Variants in SAC3D1 observed in about 807,000 individuals in gnomAD.
SAC3D1 encodes the protein SAC3 domain containing 1.
SAC3D1 carries 10 observed loss-of-function variants against 12.7 expected under a neutral mutation model. That is an observed-to-expected ratio of 0.79 (90% CI 0.49 to 1.34). The LOEUF is 1.34. SAC3D1 is among the 40% of genes most tolerant of loss of function. The pLI is 0.00. For synonymous variants in SAC3D1, 241 were observed against 250.8 expected (o/e 0.96, Z 0.37); for missense variants, 482 against 531.1 (o/e 0.91, Z 0.91).
At position 65,044,705 on chromosome 11, in the gene SAC3D1, A is replaced by G. The variant is rs1176504960; in HGVS notation, c.1055A>G (p.Asp352Gly). Reference sequence around the variant, plus strand: ...GCAGAGGAGGAAGATGAGGGCACGGACAGACCTGGGTCCCCAGCCTGAGGA... The same window carrying G: ...GCAGAGGAGGAAGATGAGGGCACGGGCAGACCTGGGTCCCCAGCCTGAGGA... ...VMAEEEDEGT[D>G]RPGSPA Residue 352 changes from aspartate (D) to glycine (G), a missense_variant, in exon 2 of 2, where the codon GAC becomes GGC. Asp to Gly is a moderately conservative substitution (Grantham distance 94). This residue lies in a region of SAC3D1 where 225 missense variants were observed against 241.1 expected (regional missense o/e 0.93). Transcript: ENST00000652489. The surrounding 1 kb of genome is among the most constrained non-coding windows in gnomAD (Gnocchi z 4.0). 1.2e-6 allele frequency: 2 copies of G among 1,612,792 alleles called. No homozygotes were observed. Among genetic ancestry groups the G allele is most frequent in the African/African-American group, 2.7e-5 (2 of 74,938 alleles).
Position 65,041,322 on chromosome 11 carries a change from C to T in SAC3D1, c.30C>T (p.Thr10=). The change falls in exon 1 of 2, where the codon ACC becomes ACT. Residue 10 remains threonine, a synonymous_variant. Transcript: ENST00000652489. MPGCELPVG[T]CPDMCPAAER... ...CCGGCTGCGAGCTGCCCGTGGGCAC[C>T]TGCCCGGACATGTGCCCGGCCGCCG... 4.0e-6 allele frequency: 6 copies of T among 1,509,468 alleles called. No individual in the cohort carries two copies. Among genetic ancestry groups the T allele is most frequent in the Non-Finnish European group, 3.5e-6 (4 of 1,136,450 alleles). 93.5% of individuals were successfully genotyped at this position (1,509,468 alleles called of 1,614,324 possible).
intron 1 of SAC3D1, chr11:65,042,974 C>G (rs1299270288): frequency 2.6e-6 from 1 of 380,122 alleles, no homozygotes; most frequent in Non-Finnish European, 5.3e-6. Flanking sequence ...TAGCTGGGAC[C>G]ACAGATGTAT....
upstream of SAC3D1, chr11:65,041,012 TG>T: frequency 3.9e-6 from 2 of 511,210 alleles, no homozygotes; most frequent in Non-Finnish European, 6.9e-6. Flanking sequence ...TGGCGCTCGA[TG>T]GGGGCCGTTA....
At position 65,044,225 on chromosome 11, in the gene SAC3D1, G is replaced by A. The variant is rs1049235811; in HGVS notation, c.575G>A (p.Gly192Asp). The change falls in exon 2 of 2, where the codon GGC becomes GAC. Residue 192 changes from glycine to aspartate, a missense_variant and splice_region_variant. Gly to Asp is a moderately conservative substitution (Grantham distance 94, BLOSUM62 -1). This residue lies in a region of SAC3D1 where 225 missense variants were observed against 241.1 expected (regional missense o/e 0.93). Transcript: ENST00000652489. This position sits in a 1 kb window ranked among gnomAD's most constrained non-coding sequence, Gnocchi z 4.0. ...FQGLFLLYNL[G>D]SVEALHEVLQ... Reference sequence around the variant, plus strand: ...TCATTCTGGCTTCCCGCTCTCACAGGCTCGGTGGAAGCCCTGCATGAGGTT... The same window carrying A: ...TCATTCTGGCTTCCCGCTCTCACAGACTCGGTGGAAGCCCTGCATGAGGTT... 9.9e-6 allele frequency: 16 copies of A among 1,611,854 alleles called. No homozygotes were observed. Among genetic ancestry groups the A allele is most frequent in the Non-Finnish European group, 1.3e-5 (15 of 1,179,256 alleles).
Position 65,041,296 on chromosome 11 carries a change from C to A in SAC3D1, c.4C>A (p.Pro2Thr). 6.7e-7 allele frequency: 1 copy of A among 1,502,164 alleles called. No homozygotes were observed. The allele number at this position is 1,502,164 out of a possible 1,614,324, so 93.1% of individuals were successfully genotyped here. The change falls in exon 1 of 2, where the codon CCC (proline) becomes ACC (threonine). Residue 2 changes from proline to threonine, a missense_variant. Physicochemically the swap from Pro to Thr is conservative, Grantham distance 38. Coordinates refer to ENST00000652489, the MANE Select transcript of SAC3D1 (RefSeq NM_013299.4). The stretch of plus-strand genomic sequence containing the variant: ...ACCGTCTCCCCGCAGCCCCCTCATG[C>A]CCGGCTGCGAGCTGCCCGTGGGCAC... M[P>T]GCELPVGTCP...
rs1346159122 is a variant in SAC3D1 at position 65,041,653 on chromosome 11, G to A, written c.361G>A (p.Glu121Lys). The change falls in exon 1 of 2, where the codon GAG (glutamate) becomes AAG (lysine). Residue 121 changes from glutamate to lysine, a missense_variant. Around this residue, in one of 3 missense-constraint regions of SAC3D1, gnomAD observed 60 missense variants for 106.9 expected, o/e 0.56. Transcript: ENST00000652489. ...DLALQGAGDA[E>K]AAVVLEAALA... ...GGCGCTGCAGGGAGCGGGCGACGCC[G>A]AGGCAGCTGTGGTGCTGGAGGCGGC... 4 of 1,440,188 alleles carry A rather than the reference G, an allele frequency of 2.8e-6. No homozygotes were observed. The highest frequency in any genetic ancestry group is 2.6e-5 in the Admixed American group (1 of 38,098). 89.2% of individuals were successfully genotyped at this position (1,440,188 alleles called of 1,614,324 possible).
At chr11:65,042,205 C>G (rs1230559526) in intron 1 of SAC3D1, among the ~76,000 whole-genome samples, 1 of 151,594 alleles carries the variant, frequency 6.6e-6, no homozygotes, top group African/African-American at 2.4e-5. Flanking sequence ...TCAAGCGATT[C>G]TTCTGCCTCA....
Position 65,044,343 on chromosome 11 carries a change from G to T in SAC3D1, c.693G>T (p.Leu231=). 2.5e-6 allele frequency: 4 copies of T among 1,613,436 alleles called. No homozygotes were observed. Among genetic ancestry groups the T allele is most frequent in the Non-Finnish European group, 3.4e-6 (4 of 1,180,028 alleles). Residue 231 remains leucine, a synonymous_variant, in exon 2 of 2, where the codon CTG becomes CTT. Coordinates refer to ENST00000652489, the MANE Select transcript of SAC3D1 (RefSeq NM_013299.4). This position sits in a 1 kb window ranked among gnomAD's most constrained non-coding sequence, Gnocchi z 4.0. The stretch of plus-strand genomic sequence containing the variant: ...TCCGAGAGGGCAATGCTGCCCGCCT[G>T]TTCCGTCTGCTCCAGACCCTGCCCT... ...AAFREGNAAR[L]FRLLQTLPYL... is the part of the protein sequence containing the mutation.
rs1438886284 is a variant in SAC3D1, at chr11:65,041,535, C to A, written c.243C>A (p.Tyr81Ter). ...PPSVLLATVR[Y>*]LAGEVAESAD... ...CCGTGCTGCTGGCCACCGTGCGCTA[C>A]CTGGCCGGTGAGGTGGCGGAGAGCG... Residue 81 changes from tyrosine (Y) to a stop codon, truncating the protein, a stop_gained, in exon 1 of 2, where the codon TAC (tyrosine) becomes TAA (stop). Transcript: ENST00000652489. LOFTEE classifies it high-confidence loss of function. 6.8e-7 allele frequency: 1 copy of A among 1,470,774 alleles called. No homozygotes were observed. The highest frequency in any genetic ancestry group is 2.4e-5 in the Admixed American group (1 of 42,096). The allele number at this position is 1,470,774 out of a possible 1,614,324, so 91.1% of individuals were successfully genotyped here. A position where few individuals can be genotyped will look rare whatever the true frequency, so the allele number is the denominator to read the frequency against.
At chr11:65,043,515 A>G (rs1946648651) in intron 1 of SAC3D1, among the ~76,000 whole-genome samples, 1 of 144,542 alleles carries the variant, frequency 6.9e-6, no homozygotes, top group African/African-American at 2.6e-5. Flanking sequence ...GCTACTCAGG[A>G]GGCTGATGCA....
chr11:65,041,376 C>T lies in SAC3D1; in HGVS notation c.84C>T (p.Arg28=). The T allele has an allele frequency of 6.6e-7, 1 of 1,512,256 alleles. No homozygotes were observed. Among genetic ancestry groups the T allele is most frequent in the Non-Finnish European group, 8.8e-7 (1 of 1,137,356 alleles). 93.7% of individuals were successfully genotyped at this position (1,512,256 alleles called of 1,614,324 possible). A position where few individuals can be genotyped will look rare whatever the true frequency, so the allele number is the denominator to read the frequency against. Residue 28 remains arginine, a synonymous_variant, in exon 1 of 2, where the codon CGC becomes CGT. Transcript: ENST00000652489. ...AERAQREREH[R]LHRLEVVPGC... is the part of the protein sequence containing the mutation. ...GCGCCCAGCGCGAAAGGGAGCACCGCCTGCACCGCTTGGAGGTGGTGCCGG... is the reference window on the plus strand; with the variant it reads ...GCGCCCAGCGCGAAAGGGAGCACCGTCTGCACCGCTTGGAGGTGGTGCCGG...
rs1311984483 is a variant in SAC3D1 at position 65,041,217 on chromosome 11, G to A, written c.-76G>A. ...CCGACCCGCCGCTCCCCACCCCCCG[G>A]CCGGCCTCGCGTGCCTTCCCGCAGC... On this transcript the variant is annotated 5_prime_UTR_variant, in exon 1 of 2. Transcript: ENST00000652489. The A allele has an allele frequency of 7.4e-7, 1 of 1,357,974 alleles. No homozygotes were observed. The highest frequency in any genetic ancestry group is 1.6e-5 in the African/African-American group (1 of 64,370). 84.1% of individuals were successfully genotyped at this position (1,357,974 alleles called of 1,614,324 possible).
At position 65,044,553 on chromosome 11, in the gene SAC3D1, G is replaced by A; in HGVS notation, c.903G>A (p.Leu301=). 6.2e-7 allele frequency: 1 copy of A among 1,614,194 alleles called. No individual in the cohort carries two copies. Among genetic ancestry groups the A allele is most frequent in the Non-Finnish European group, 8.5e-7 (1 of 1,180,042 alleles). Residue 301 remains leucine (L), a synonymous_variant, in exon 2 of 2, where the codon TTG becomes TTA. Coordinates refer to ENST00000652489, the MANE Select transcript of SAC3D1 (RefSeq NM_013299.4). This position sits in a 1 kb window ranked among gnomAD's most constrained non-coding sequence, Gnocchi z 4.0. Reference sequence around the variant, plus strand: ...TGTGCCAGGCCCACGGGCTGCCCTTGGACGGAGAGGAGAGAGTTGTGTTCC... The same window carrying A: ...TGTGCCAGGCCCACGGGCTGCCCTTAGACGGAGAGGAGAGAGTTGTGTTCC... The part of the protein sequence containing the change: ...RDLCQAHGLP[L]DGEERVVFLR...
chr11:65,042,985 G>A (rs1590749198), intron 1 of SAC3D1: 1 of 400,400 alleles, frequency 2.5e-6, no homozygotes, highest in South Asian at 1.8e-5. Flanking sequence ...ACAGATGTAT[G>A]CAATCACACC....
At chr11:65,042,153 A>T (rs1406942999) in intron 1 of SAC3D1, among the ~76,000 whole-genome samples, 2 of 150,406 alleles carry the variant, frequency 1.3e-5, no homozygotes, top group Non-Finnish European at 3.0e-5. Flanking sequence ...GCTGGAGTGC[A>T]GTGGCGCGAT....
rs1172896597 is a variant in SAC3D1 at position 65,044,091 on chromosome 11, G to C, written c.575-134G>C. 1.4e-5 allele frequency: 14 copies of C among 1,028,994 alleles called. No individual in the cohort carries two copies. Among genetic ancestry groups the C allele is most frequent in the Non-Finnish European group, 1.9e-5 (13 of 700,898 alleles). The allele number at this position is 1,028,994 out of a possible 1,614,324, so 63.7% of individuals were successfully genotyped here. On this transcript the variant is annotated intron_variant, in intron 1 of 1. Coordinates refer to ENST00000652489, the MANE Select transcript of SAC3D1 (RefSeq NM_013299.4). The surrounding 1 kb of genome is among the most constrained non-coding windows in gnomAD (Gnocchi z 4.0). ...AAGGAGCCAAAGGCTGGCCCTTAGA[G>C]GGGAGAGGGAAGTTGGGCTAGGCCT... is the stretch of plus-strand genomic sequence containing the variant.
In SAC3D1 at chr11:65,041,313, C is replaced by A. The variant is rs763803293; in HGVS notation, c.21C>A (p.Pro7=). ...CCCTCATGCCCGGCTGCGAGCTGCC[C>A]GTGGGCACCTGCCCGGACATGTGCC... is the stretch of plus-strand genomic sequence containing the variant. MPGCEL[P]VGTCPDMCPA... is the part of the protein sequence containing the mutation. Residue 7 remains proline, a synonymous_variant, in exon 1 of 2, where the codon CCC becomes CCA. Transcript: ENST00000652489. The A allele has an allele frequency of 6.6e-7, 1 of 1,508,352 alleles. No individual in the cohort carries two copies. The highest frequency in any genetic ancestry group is 8.8e-7 in the Non-Finnish European group (1 of 1,135,950). The allele number at this position is 1,508,352 out of a possible 1,614,324, so 93.4% of individuals were successfully genotyped here.
chr11:65,044,689 G>A lies in SAC3D1; in HGVS notation c.1039G>A (p.Glu347Lys). 1 of 1,613,520 alleles carries A rather than the reference G, an allele frequency of 6.2e-7. No individual in the cohort carries two copies. Among genetic ancestry groups the A allele is most frequent in the Non-Finnish European group, 8.5e-7 (1 of 1,179,978 alleles). Residue 347 changes from glutamate (E) to lysine (K), a missense_variant, in exon 2 of 2, where the codon GAA becomes AAA. Around this residue, in one of 3 missense-constraint regions of SAC3D1, gnomAD observed 225 missense variants for 241.1 expected, o/e 0.93. Transcript: ENST00000652489. This position sits in a 1 kb window ranked among gnomAD's most constrained non-coding sequence, Gnocchi z 4.0. ...GGAGGAGGTGGTCATGGCAGAGGAG[G>A]AAGATGAGGGCACGGACAGACCTGG... is the stretch of plus-strand genomic sequence containing the variant. ...TLEEVVMAEE[E>K]DEGTDRPGSP...
Position 65,044,749 on chromosome 11 carries a change from G to C in SAC3D1, c.*22G>C. 2 of 1,605,870 alleles carry C rather than the reference G, an allele frequency of 1.2e-6. No homozygotes were observed. The highest frequency in any genetic ancestry group is 1.3e-5 in the African/African-American group (1 of 74,920). On this transcript the variant is annotated 3_prime_UTR_variant, in exon 2 of 2. Coordinates refer to ENST00000652489, the MANE Select transcript of SAC3D1 (RefSeq NM_013299.4). This position sits in a 1 kb window ranked among gnomAD's most constrained non-coding sequence, Gnocchi z 4.0. ...CTGAGGAGGGAGCGTGAGCCTCCCA[G>C]AGCCCCAGGACTGGGCCAGAGCACT...
Sources: gnomAD v4.1 joint callset for allele counts (sites outside exome capture counted in the v4.1 genomes callset) on GRCh38, gnomAD v4.1.1 for gene constraint, gnomAD v4.1.1 regional missense constraint, Gnocchi (gnomAD v3.1) non-coding constraint, MANE v1.5 for transcripts, NCBI Gene and HGNC (gene_info 2026-07-23, HGNC 2026-07-21) for gene names.